Variants in NXN observed in about 807,000 individuals in gnomAD.
NXN encodes the protein nucleoredoxin 1.
In NXN, 16 loss-of-function variants were observed where a neutral mutation model predicts 48.6. The ratio of observed to expected loss-of-function variants is 0.33; its 90% CI spans 0.22 to 0.50. The LOEUF is 0.50. Among genes scored for constraint, NXN ranks in the 20% least tolerant of loss-of-function variants. The pLI is 0.98. For missense variants in NXN, 492 were observed against 605.5 expected, an observed-to-expected ratio of 0.81 and a Z score of 1.97; for synonymous variants, 281 against 269.6, an observed-to-expected ratio of 1.04 and a Z score of -0.41.
intron 1 of NXN, among the ~76,000 whole-genome samples, chr17:884,112 T>C (rs374301900): frequency 6.6e-6 from 1 of 151,922 alleles, no homozygotes; most frequent in East Asian, 1.9e-4. Context: ...TCCCAGCTAC[T>C]TGAGAGGCTG....
At chr17:963,473 A>T (rs1337745386) in intron 1 of NXN, among the ~76,000 whole-genome samples, 1 of 152,094 alleles carries the variant, frequency 6.6e-6, no homozygotes, top group Non-Finnish European at 1.5e-5. Flanking sequence ...GTGGTGGGAC[A>T]CACCTGCAGT....
intron 6 of NXN, chr17:804,013 C>A: frequency 1.6e-6 from 1 of 610,990 alleles, no homozygotes; most frequent in Non-Finnish European, 2.8e-6. Flanking sequence ...GCTCACAGTG[C>A]TCTCCTGCAC....
At chr17:856,214 T>C (rs1412688005) in intron 1 of NXN, among the ~76,000 whole-genome samples, 1 of 150,850 alleles carries the variant, frequency 6.6e-6, no homozygotes, top group African/African-American at 2.4e-5. Flanking sequence ...GAGGGTCTGA[T>C]CTCTCCTTGC....
chr17:822,904 AG>A (rs1303549392), intron 3 of NXN, among the ~76,000 whole-genome samples: 1 of 152,120 alleles, frequency 6.6e-6, no homozygotes, highest in Non-Finnish European at 1.5e-5. Flanking sequence ...GTTCAAGACC[AG>A]CCTGACCAAC....
At chr17:900,220 T>C (rs540996446) in intron 1 of NXN, among the ~76,000 whole-genome samples, 3 of 151,998 alleles carry the variant, frequency 2.0e-5, no homozygotes, top group African/African-American at 7.2e-5. Context: ...GAGCCAAGAT[T>C]GCGCCATTGC....
chr17:833,707 T>C (rs1205586226), intron 1 of NXN, among the ~76,000 whole-genome samples: 2 of 151,710 alleles, frequency 1.3e-5, no homozygotes, highest in East Asian at 3.9e-4. Context: ...TCACGGGAGG[T>C]CTACAGACCC....
intron 5 of NXN, among the ~76,000 whole-genome samples, chr17:814,186 C>T (rs990550319): frequency 5.9e-5 from 6 of 101,428 alleles, no homozygotes; most frequent in African/African-American, 1.0e-4. Context: ...GGCGTGAACC[C>T]GGAAGGCAGA....
At chr17:837,998 G>T (rs759749408) in intron 1 of NXN, among the ~76,000 whole-genome samples, 2 of 152,112 alleles carry the variant, frequency 1.3e-5, no homozygotes, top group Non-Finnish European at 2.9e-5. Context: ...GATATATGCC[G>T]CACACGTTCT....
chr17:818,681 C>T (rs1912627854), intron 5 of NXN, among the ~76,000 whole-genome samples: 2 of 152,090 alleles, frequency 1.3e-5, no homozygotes, highest in Admixed American at 6.5e-5. Context: ...GTCAAGAGAT[C>T]GAGACCATCC....
intron 1 of NXN, among the ~76,000 whole-genome samples, chr17:938,148 T>G (rs2068929899): frequency 6.6e-6 from 1 of 151,616 alleles, no homozygotes; most frequent in African/African-American, 2.4e-5. Context: ...GAGAACCCTG[T>G]GAATATGCCT....
At chr17:835,337 C>G (rs1913754153) in intron 1 of NXN, among the ~76,000 whole-genome samples, 1 of 150,464 alleles carries the variant, frequency 6.6e-6, no homozygotes, top group Non-Finnish European at 1.5e-5. Flanking sequence ...AACGTCATAG[C>G]AAACCCCCAA....
chr17:867,062 C>T (rs2068102194), intron 1 of NXN, among the ~76,000 whole-genome samples: 1 of 115,204 alleles, frequency 8.7e-6, no homozygotes, highest in Admixed American at 8.6e-5. Flanking sequence ...AGCAAGTTCT[C>T]GGGGTTCTCC....
At chr17:948,843 C>T (rs532753255) in intron 1 of NXN, among the ~76,000 whole-genome samples, 1 of 116,308 alleles carries the variant, frequency 8.6e-6, no homozygotes, top group Non-Finnish European at 1.9e-5. Context: ...TCCTCTCCCC[C>T]CTGCCTCCTC....
intron 1 of NXN, among the ~76,000 whole-genome samples, chr17:963,636 TA>T (rs1567522310): frequency 1.3e-5 from 2 of 152,068 alleles, no homozygotes; most frequent in African/African-American, 4.8e-5. Flanking sequence ...TTTTTTTTTT[TA>T]AAATGCTAAA....
chr17:860,798 G>A (rs4025780), intron 1 of NXN, among the ~76,000 whole-genome samples: 40,285 of 152,238 alleles, frequency 0.26, 6,339 homozygotes, highest in African/African-American at 0.44. Context: ...TTTAATATGA[G>A]CAGAAACATG....
chr17:839,907 G>A (rs111389328), intron 1 of NXN, among the ~76,000 whole-genome samples: 3 of 151,682 alleles, frequency 2.0e-5, no homozygotes, highest in Non-Finnish European at 4.4e-5. Flanking sequence ...GACCAGCCTG[G>A]CCAACATGGT....
At chr17:954,553 T>C (rs2069145426) in intron 1 of NXN, among the ~76,000 whole-genome samples, 1 of 152,200 alleles carries the variant, frequency 6.6e-6, no homozygotes, top group African/African-American at 2.4e-5. Context: ...TCAGGCATAT[T>C]CGACCTCCCT....
chr17:849,921 C>T lies in NXN; in HGVS notation c.361-23843G>A, dbSNP rs545813757. On this transcript the variant is annotated intron_variant, in intron 1 of 7. Transcript: ENST00000336868. This position sits in a 1 kb window ranked among gnomAD's most constrained non-coding sequence, Gnocchi z 4.2. The stretch of plus-strand genomic sequence containing the variant: ...GAAGCTGCAGAGCCCCCAAGGAGCC[C>T]GAGAGCGACCTGCTCCTGAAACCCC... Among the ~76,000 whole-genome samples the T allele has an allele frequency of 6.6e-6, 1 of 152,040 alleles. No individual in the cohort carries two copies. Among genetic ancestry groups the T allele is most frequent in the Non-Finnish European group, 1.5e-5 (1 of 68,004 alleles).
chr17:818,884 C>CAAAAAAAAAAAA (rs1229405533), intron 5 of NXN, among the ~76,000 whole-genome samples: 3 of 140,066 alleles, frequency 2.1e-5, no homozygotes, highest in African/African-American at 8.2e-5. Flanking sequence ...GACTCCGTCT[C>CAAAAAAAAAAAA]AAAAAAAAAA....
Sources: gnomAD v4.1 joint callset for allele counts (sites outside exome capture counted in the v4.1 genomes callset) on GRCh38, gnomAD v4.1.1 for gene constraint, Gnocchi (gnomAD v3.1) non-coding constraint, MANE v1.5 for transcripts, NCBI Gene and HGNC (gene_info 2026-07-23, HGNC 2026-07-21) for gene names.